Variants in CTNNA2 observed in about 807,000 individuals in gnomAD.
CTNNA2 encodes catenin alpha-2.
A neutral mutation model predicts 101.0 loss-of-function variants in CTNNA2; 42 were observed. The observed-to-expected ratio is 0.42, with a 90% CI of 0.32 to 0.54. CTNNA2 has a LOEUF of 0.54. Ranked by LOEUF, CTNNA2 falls within the 20% of genes least tolerant of loss-of-function variation. The pLI is 0.14. For missense variants in CTNNA2, 871 were observed against 1,223.1 expected (o/e 0.71, Z 4.29); for synonymous variants, 450 against 456.4 (o/e 0.99, Z 0.18).
At chr2:79,666,091 C>G (rs1470121259) in intron 2 of CTNNA2, among the ~76,000 whole-genome samples, 1 of 152,116 alleles carries the variant, frequency 6.6e-6, no homozygotes, top group African/African-American at 2.4e-5. Flanking sequence ...CTTTTTCAAG[C>G]ACAGTAAAAA....
chr2:79,891,022 G>A (rs774201710), intron 6 of CTNNA2, among the ~76,000 whole-genome samples: 2 of 150,450 alleles, frequency 1.3e-5, no homozygotes, highest in Non-Finnish European at 2.9e-5. Flanking sequence ...ATCACTTTGG[G>A]TATTAAATTC....
chr2:79,693,049 G>C (rs10203710), intron 2 of CTNNA2, among the ~76,000 whole-genome samples: 37,432 of 151,450 alleles, frequency 0.25, 5,048 homozygotes, highest in East Asian at 0.54. Flanking sequence ...AAAAAATAAA[G>C]CTATATACTA....
intron 7 of CTNNA2, among the ~76,000 whole-genome samples, chr2:80,094,295 T>A (rs1699997250): frequency 1.3e-5 from 2 of 152,092 alleles, no homozygotes; most frequent in Non-Finnish European, 2.9e-5. Context: ...TTCTCAGGTT[T>A]GTCAAAGATC....
At chr2:79,494,716 C>T (rs1401840348) in intron 4 of CTNNA2, among the ~76,000 whole-genome samples, 2 of 152,078 alleles carry the variant, frequency 1.3e-5, no homozygotes, top group Non-Finnish European at 2.9e-5. Flanking sequence ...CAAAAACATT[C>T]GTATAAATCT....
chr2:80,099,501 T>A (rs1700401956), intron 7 of CTNNA2, among the ~76,000 whole-genome samples: 1 of 152,172 alleles, frequency 6.6e-6, no homozygotes, highest in Admixed American at 6.5e-5. Context: ...ATTTCATTCA[T>A]CCTGGAGATG....
chr2:79,885,769 T>G (rs149733887), intron 6 of CTNNA2, among the ~76,000 whole-genome samples: 1 of 152,208 alleles, frequency 6.6e-6, no homozygotes, highest in African/African-American at 2.4e-5. Flanking sequence ...ATAATAATTA[T>G]CTCTGCTATG....
intron 1 of CTNNA2, among the ~76,000 whole-genome samples, chr2:79,624,100 A>G (rs1482196412): frequency 2.0e-5 from 3 of 152,070 alleles, no homozygotes; most frequent in East Asian, 3.9e-4. Context: ...TTGCAGGGGA[A>G]CTTCCCCATT....
intron 2 of CTNNA2, among the ~76,000 whole-genome samples, chr2:79,276,763 T>C (rs1292768711): frequency 6.6e-6 from 1 of 152,100 alleles, no homozygotes; most frequent in Non-Finnish European, 1.5e-5. Context: ...TGATTACCCT[T>C]ATTTTAAAAA....
At chr2:79,940,524 A>G (rs1019109377) in intron 7 of CTNNA2, among the ~76,000 whole-genome samples, 7 of 152,296 alleles carry the variant, frequency 4.6e-5, no homozygotes, top group Admixed American at 4.6e-4. Context: ...GCAACCTGAA[A>G]AAAGCAAGCC....
intron 9 of CTNNA2, among the ~76,000 whole-genome samples, chr2:80,462,680 C>G (rs1429085054): frequency 4.0e-5 from 5 of 125,594 alleles, no homozygotes; most frequent in Non-Finnish European, 7.9e-5. Context: ...TGGGTCATCA[C>G]TTCTCAGCCT....
At chr2:79,252,688 C>G (rs1674788430) in intron 2 of CTNNA2, among the ~76,000 whole-genome samples, 1 of 151,924 alleles carries the variant, frequency 6.6e-6, no homozygotes, top group Non-Finnish European at 1.5e-5. Flanking sequence ...CTGTAGATTC[C>G]TGAGCCAGCA....
At chr2:79,364,984 A>C (rs1486891137) in intron 3 of CTNNA2, among the ~76,000 whole-genome samples, 2 of 152,172 alleles carry the variant, frequency 1.3e-5, no homozygotes, top group Non-Finnish European at 2.9e-5. Context: ...TATGTGTAAA[A>C]TATTTGAATA....
At chr2:80,186,663 C>T (rs1706149501) in intron 7 of CTNNA2, among the ~76,000 whole-genome samples, 1 of 152,170 alleles carries the variant, frequency 6.6e-6, no homozygotes, top group Non-Finnish European at 1.5e-5. Context: ...AGTGGGGAGG[C>T]CTGGAGAGAA....
chr2:80,066,472 A>G (rs1282082924), intron 7 of CTNNA2, among the ~76,000 whole-genome samples: 1 of 152,208 alleles, frequency 6.6e-6, no homozygotes, highest in African/African-American at 2.4e-5. Context: ...ACAAATGGCC[A>G]ACAGGTTTAT....
At chr2:80,283,174 A>T (rs1349633208) in intron 7 of CTNNA2, among the ~76,000 whole-genome samples, 1 of 152,114 alleles carries the variant, frequency 6.6e-6, no homozygotes, top group African/African-American at 2.4e-5. Flanking sequence ...AGAAAAAGAG[A>T]TGAGTTGTGA....
intron 3 of CTNNA2, among the ~76,000 whole-genome samples, chr2:79,848,528 A>G (rs1680419208): frequency 6.6e-6 from 1 of 152,294 alleles, no homozygotes; most frequent in South Asian, 2.1e-4. Context: ...ATGTAAAATT[A>G]CCCTACACCC....
At chr2:80,135,299 A>G (rs1252155452) in intron 7 of CTNNA2, among the ~76,000 whole-genome samples, 1 of 152,208 alleles carries the variant, frequency 6.6e-6, no homozygotes, top group African/African-American at 2.4e-5. Context: ...AGTTTTCCCA[A>G]GGAGACAGAT....
chr2:80,541,628 G>GTCGA, intron 9 of CTNNA2, among the ~76,000 whole-genome samples: 1 of 152,222 alleles, frequency 6.6e-6, no homozygotes, highest in East Asian at 1.9e-4. Context: ...GTCCCACAGG[G>GTCGA]TCGACTTCTG....
intron 7 of CTNNA2, among the ~76,000 whole-genome samples, chr2:80,167,704 G>A (rs1213343342): frequency 6.6e-6 from 1 of 152,072 alleles, no homozygotes; most frequent in East Asian, 1.9e-4. Flanking sequence ...TTCTTCTCTG[G>A]CCATATTCAG....
Sources: gnomAD v4.1 joint callset for allele counts (sites outside exome capture counted in the v4.1 genomes callset) on GRCh38, gnomAD v4.1.1 for gene constraint, MANE v1.5 for transcripts, NCBI Gene and HGNC (gene_info 2026-07-23, HGNC 2026-07-21) for gene names.